Variants in TCOF1 observed in about 807,000 individuals in gnomAD.
The protein encoded by TCOF1 is treacle protein.
TCOF1 carries 33 observed loss-of-function variants against 149.0 expected under a neutral mutation model. That is an observed-to-expected ratio of 0.22 (90% CI 0.17 to 0.30). The LOEUF (loss-of-function observed/expected upper bound fraction) is 0.30, where lower values mean the gene tolerates loss of function less well. Ranked by LOEUF, TCOF1 falls within the 10% of genes least tolerant of loss-of-function variation. TCOF1 has a pLI of 1.00. For missense variants in TCOF1, 1,728 were observed against 1,840.7 expected, an observed-to-expected ratio of 0.94 and a Z score of 1.12; for synonymous variants, 789 against 738.8, an observed-to-expected ratio of 1.07 and a Z score of -1.10.
chr5:150,384,418 G>C, intron 17 of TCOF1: 6 of 985,408 alleles, frequency 6.1e-6, no homozygotes, highest in Non-Finnish European at 7.2e-6. Context: ...GACAGACCTG[G>C]TGTTTGAGCA....
intron 14 of TCOF1, among the ~76,000 whole-genome samples, chr5:150,376,911 G>C (rs112986310): frequency 6.6e-6 from 1 of 152,196 alleles, no homozygotes; most frequent in East Asian, 1.9e-4. Context: ...GGGTTGCTGA[G>C]GCGCTGTTCC....
chr5:150,394,019 A>T, intron 23 of TCOF1: 1 of 206,460 alleles, frequency 4.8e-6, no homozygotes, highest in Non-Finnish European at 9.9e-6. Flanking sequence ...TCAAAAAAAA[A>T]GTACAGGTGG....
chr5:150,385,173 A>G, intron 17 of TCOF1: 2 of 863,590 alleles, frequency 2.3e-6, no homozygotes, highest in Non-Finnish European at 2.8e-6. Context: ...CTTGTCGGTA[A>G]TATTTTTTAA....
intron 19 of TCOF1, 37 bp from the exon 20 acceptor site, chr5:150,391,507 A>T: frequency 6.4e-7 from 1 of 1,562,502 alleles, no homozygotes; most frequent in African/African-American, 1.4e-5. Context: ...CATCCCAAGG[A>T]CTTGTGAGTC....
At chr5:150,369,721 C>A in intron 6 of TCOF1, 119 bp downstream of exon 6, 1 of 1,145,282 alleles carries the variant, frequency 8.7e-7, no homozygotes, top group Non-Finnish European at 1.3e-6. Flanking sequence ...GTAGGGTGAC[C>A]AGGAGCTGGA....
rs990194086 is a variant in TCOF1, at chr5:150,399,019, C to T, written c.4444-3C>T. On this transcript the variant is annotated splice_region_variant and splice_polypyrimidine_tract_variant and intron_variant, in intron 25 of 26. Coordinates refer to ENST00000643257, the MANE Select transcript of TCOF1 (RefSeq NM_001371623.1). The stretch of plus-strand genomic sequence containing the variant: ...AGAGCCTCTCGTACTTCCCTCCTCA[C>T]AGAAGAAGACAGCAGAGCAGACTGT... 1 of 1,614,260 alleles carries T rather than the reference C, an allele frequency of 6.2e-7. No homozygotes were observed. Among genetic ancestry groups the T allele is most frequent in the East Asian group, 2.2e-5 (1 of 44,894 alleles).
intron 24 of TCOF1, among the ~76,000 whole-genome samples, chr5:150,397,255 A>G (rs1161465555): frequency 6.6e-6 from 1 of 151,462 alleles, no homozygotes; most frequent in Non-Finnish European, 1.5e-5. Flanking sequence ...TTGAGTCAGC[A>G]CTGCCAGGAA....
At chr5:150,396,252 G>A (rs766756944) in intron 23 of TCOF1, 30 bp from the exon 24 acceptor site, 2 of 1,613,436 alleles carry the variant, frequency 1.2e-6, no homozygotes, top group African/African-American at 1.3e-5. Context: ...AACTCTCCCA[G>A]ATCTGTGACC....
chr5:150,392,348 G>T (rs1196608265), intron 21 of TCOF1, 172 bp downstream of exon 21: 4 of 692,236 alleles, frequency 5.8e-6, no homozygotes, highest in Non-Finnish European at 9.5e-6. Context: ...CAATCCAAAT[G>T]ATTTCAGAGA....
chr5:150,399,933 G>A lies in TCOF1; in HGVS notation c.*146G>A, dbSNP rs1769432962. 1 of 152,486 alleles carries A rather than the reference G, an allele frequency of 6.6e-6. No individual in the cohort carries two copies. Among genetic ancestry groups the A allele is most frequent in the South Asian group, 2.1e-4 (1 of 4,840 alleles). 9.4% of individuals were successfully genotyped at this position (152,486 alleles called of 1,614,324 possible). A position where few individuals can be genotyped will look rare whatever the true frequency, so the allele number is the denominator to read the frequency against. Reference sequence around the variant, plus strand: ...ACAGAAGAAGACAGCCAGCTTCAGGGGTCCCTGTGCTGGCCAAGCCAGTGA... The same window carrying A: ...ACAGAAGAAGACAGCCAGCTTCAGGAGTCCCTGTGCTGGCCAAGCCAGTGA... On this transcript the variant is annotated 3_prime_UTR_variant, in exon 27 of 27. Coordinates refer to ENST00000643257, the MANE Select transcript of TCOF1 (RefSeq NM_001371623.1).
intron 5 of TCOF1, 25 bp from the exon 6 acceptor site, chr5:150,369,504 A>T (rs1177476157): frequency 2.5e-6 from 4 of 1,613,826 alleles, no homozygotes; most frequent in Non-Finnish European, 2.5e-6. Context: ...GGAGTCCCTC[A>T]GTCCCCTCCG....
chr5:150,368,920 C>G lies in TCOF1; in HGVS notation c.565+18C>G. The G allele has an allele frequency of 6.2e-7, 1 of 1,613,074 alleles. No homozygotes were observed. The highest frequency in any genetic ancestry group is 8.5e-7 in the Non-Finnish European group (1 of 1,179,958). ...CAAGCCTGGTAAGAAGTCCCCACCT[C>G]TAGGAACCTAGTCCCCAGAACTTGG... On this transcript the variant is annotated intron_variant, in intron 5 of 26. Coordinates refer to ENST00000643257, the MANE Select transcript of TCOF1 (RefSeq NM_001371623.1).
chr5:150,360,267 A>G (rs1217511650), intron 1 of TCOF1, among the ~76,000 whole-genome samples: 1 of 152,198 alleles, frequency 6.6e-6, no homozygotes, highest in Non-Finnish European at 1.5e-5. Context: ...GCCTCATTAG[A>G]GTACTTGATA....
intron 14 of TCOF1, 74 bp downstream of exon 14, chr5:150,376,694 G>GGGGCTAGTGTTGCCTGC: frequency 6.7e-7 from 1 of 1,485,430 alleles, no homozygotes; most frequent in Non-Finnish European, 9.2e-7. Flanking sequence ...GGCTTGACTG[G>GGGGCTAGTGTTGCCTGC]GGGCTAGTGT....
At position 150,375,709 on chromosome 5, in the gene TCOF1, A is replaced by G. The variant is rs1394296084; in HGVS notation, c.1705-12A>G. On this transcript the variant is annotated splice_polypyrimidine_tract_variant and intron_variant, in intron 11 of 26. Transcript: ENST00000643257. ...TGGGCTCCCTCTCCCGATCCTGTGT[A>G]TCTCACTCCAGGAAAAGTCCTTGGG... 3 of 1,614,066 alleles carry G rather than the reference A, an allele frequency of 1.9e-6. No individual in the cohort carries two copies.
chr5:150,392,502 G>T (rs768489046), intron 21 of TCOF1: 3 of 620,356 alleles, frequency 4.8e-6, no homozygotes, highest in Non-Finnish European at 5.7e-6. Context: ...TAAGGCTTTG[G>T]CATTCAAATG....
chr5:150,375,663 A>C (rs1303090165), intron 11 of TCOF1, 58 bp from the exon 12 acceptor site: 22 of 1,612,870 alleles, frequency 1.4e-5, no homozygotes, highest in Non-Finnish European at 1.8e-5. Flanking sequence ...TTAGTTTCTT[A>C]ATGTCTGCAC....
In TCOF1 at chr5:150,399,203, G is replaced by T. The variant is rs1769260726; in HGVS notation, c.*22+133G>T. ...GGAGGCTGGGGAAAGAGGTTCTGTT[G>T]CCAAGGGTCCATGGGGCCACTGGGG... On this transcript the variant is annotated intron_variant, in intron 26 of 26. Transcript: ENST00000643257. 3.1e-6 allele frequency: 4 copies of T among 1,284,748 alleles called. No individual in the cohort carries two copies. The Admixed American group carries it at 5.8e-5, about 19-fold the overall frequency. The allele number at this position is 1,284,748 out of a possible 1,614,324, so 79.6% of individuals were successfully genotyped here. A position where few individuals can be genotyped will look rare whatever the true frequency, so the allele number is the denominator to read the frequency against.
chr5:150,358,773 G>A (rs562438347), intron 1 of TCOF1, among the ~76,000 whole-genome samples: 2 of 152,290 alleles, frequency 1.3e-5, no homozygotes, highest in South Asian at 4.1e-4. Flanking sequence ...GGAGGCAGAG[G>A]TTGCAATGAG....
Sources: gnomAD v4.1 joint callset for allele counts (sites outside exome capture counted in the v4.1 genomes callset) on GRCh38, gnomAD v4.1.1 for gene constraint, MANE v1.5 for transcripts, NCBI Gene and HGNC (gene_info 2026-07-23, HGNC 2026-07-21) for gene names.